Variants in FBXL3 observed in about 807,000 individuals in gnomAD.
FBXL3 encodes the protein F-box and leucine rich repeat protein 3.
FBXL3 carries 14 observed loss-of-function variants against 37.9 expected under a neutral mutation model. That is an observed-to-expected ratio of 0.37 (90% CI 0.24 to 0.58). The LOEUF is 0.58. Among genes scored for constraint, FBXL3 ranks in the 20% least tolerant of loss-of-function variants. FBXL3 has a pLI of 0.74. For synonymous variants in FBXL3, 194 were observed against 180.1 expected (o/e 1.08, Z -0.62); for missense variants, 327 against 511.1 (o/e 0.64, Z 3.47).
chr13:77,024,091 G>A (rs780802990), intron 1 of FBXL3, among the ~76,000 whole-genome samples: 5 of 152,208 alleles, frequency 3.3e-5, no homozygotes, highest in Non-Finnish European at 7.3e-5. Context: ...TCTGATGGAA[G>A]ACTGGAAATT....
At position 77,018,591 on chromosome 13, in the gene FBXL3, A is replaced by G. The variant is rs765191475; in HGVS notation, c.471+9T>C. The G allele has an allele frequency of 2.9e-5, 46 of 1,560,330 alleles. No individual in the cohort carries two copies. Among genetic ancestry groups the G allele is most frequent in the Non-Finnish European group, 3.9e-5 (45 of 1,159,548 alleles). ...CAGTAATAGATAATAAAACAAAAAC[A>G]GCAGATACCTTTGGTAAATCCATAA... On this transcript the variant is annotated intron_variant, in intron 3 of 4. Coordinates refer to ENST00000355619, the MANE Select transcript of FBXL3 (RefSeq NM_012158.4).
At chr13:77,026,375 G>A in intron 1 of FBXL3, 1 of 985,262 alleles carries the variant, frequency 1.0e-6, no homozygotes, top group Non-Finnish European at 1.2e-6. Context: ...CATTTCTCAT[G>A]CGCCCCACCC....
At chr13:77,017,113 A>G (rs758793577) in intron 3 of FBXL3, 16 of 152,056 alleles carry the variant, frequency 1.1e-4, no homozygotes, top group Non-Finnish European at 2.2e-4. Context: ...AAATATTGCA[A>G]CGCCCTACTT....
intron 4 of FBXL3, among the ~76,000 whole-genome samples, chr13:77,012,327 T>C (rs1226689104): frequency 6.6e-6 from 1 of 151,084 alleles, no homozygotes; most frequent in African/African-American, 2.4e-5. Context: ...AAAAAAAATA[T>C]GGCAAAAAGC....
Position 77,007,627 on chromosome 13 carries a change from A to G in FBXL3, c.805T>C (p.Phe269Leu). ...VVSENPGQTH[F>L]HTIQKSSWDA... ...CAGCTACTCTTCTGAATAGTATGGA[A>G]GTGTGTCTGTCCAGGATTCTCACTG... The change falls in exon 5 of 5, where the codon TTC becomes CTC. Residue 269 changes from phenylalanine to leucine, a missense_variant. By Grantham distance (22) the Phe-to-Leu change is conservative. Transcript: ENST00000355619. 1 of 1,614,194 alleles carries G rather than the reference A, an allele frequency of 6.2e-7. No individual in the cohort carries two copies. Among genetic ancestry groups the G allele is most frequent in the Non-Finnish European group, 8.5e-7 (1 of 1,180,026 alleles).
chr13:77,018,931 G>A (rs1277168553), intron 2 of FBXL3: 1 of 400,688 alleles, frequency 2.5e-6, no homozygotes, highest in African/African-American at 2.1e-5. Context: ...CTCCAACTTG[G>A]CCTTTTCTAA....
chr13:77,024,220 C>T (rs2034798597), intron 1 of FBXL3, among the ~76,000 whole-genome samples: 1 of 152,082 alleles, frequency 6.6e-6, no homozygotes, highest in Admixed American at 6.5e-5. Flanking sequence ...GCTGAGATAA[C>T]ACTGTTATTA....
At chr13:77,024,187 CTAA>C (rs1475042652) in intron 1 of FBXL3, among the ~76,000 whole-genome samples, 1 of 152,086 alleles carries the variant, frequency 6.6e-6, no homozygotes, top group African/African-American at 2.4e-5. Context: ...TAAGTCTCTT[CTAA>C]TAATAATCCC....
At chr13:77,012,626 T>C (rs1230800470) in intron 4 of FBXL3, among the ~76,000 whole-genome samples, 1 of 152,176 alleles carries the variant, frequency 6.6e-6, no homozygotes, top group East Asian at 1.9e-4. Context: ...GAAAATTGAT[T>C]AAATGTTCAG....
At position 77,007,618 on chromosome 13, in the gene FBXL3, T is replaced by G. The variant is rs1048504343; in HGVS notation, c.814A>C (p.Ile272Leu). 6.2e-7 allele frequency: 1 copy of G among 1,614,220 alleles called. No individual in the cohort carries two copies. The highest frequency in any genetic ancestry group is 1.3e-5 in the African/African-American group (1 of 75,052). Residue 272 changes from isoleucine (I) to leucine (L), a missense_variant, in exon 5 of 5, where the codon ATT (isoleucine) becomes CTT (leucine). Physicochemically the swap from Ile to Leu is conservative, Grantham distance 5. Transcript: ENST00000355619. Reference sequence around the variant, plus strand: ...AAAGCATCCCAGCTACTCTTCTGAATAGTATGGAAGTGTGTCTGTCCAGGA... The same window carrying G: ...AAAGCATCCCAGCTACTCTTCTGAAGAGTATGGAAGTGTGTCTGTCCAGGA... ...ENPGQTHFHT[I>L]QKSSWDAFIR...
intron 1 of FBXL3, 93 bp downstream of exon 1, chr13:77,026,734 C>A (rs2034848680): frequency 7.7e-6 from 1 of 129,146 alleles, no homozygotes; most frequent in African/African-American, 2.8e-5. Context: ...CCCCCCCCCA[C>A]CCCACCCCAC....
At chr13:77,013,393 G>T (rs2034588462) in intron 4 of FBXL3, 1 of 152,104 alleles carries the variant, frequency 6.6e-6, no homozygotes, top group South Asian at 2.1e-4. Flanking sequence ...TACAATGTGG[G>T]GGTCATGAAG....
intron 4 of FBXL3, among the ~76,000 whole-genome samples, chr13:77,012,592 T>G (rs1174422946): frequency 6.6e-6 from 1 of 152,074 alleles, no homozygotes. Flanking sequence ...TTACAGACAA[T>G]TATAACAACT....
Position 77,021,853 on chromosome 13 carries a change from C to T in FBXL3, c.8G>A (p.Arg3Gln), listed in dbSNP as rs758124709. MK[R>Q]GGRDSDRNSS... ...ATTACGGTCACTATCTCTTCCTCCT[C>T]GTTTCATCCTATTCCGAAAAATGCA... Residue 3 changes from arginine (R) to glutamine (Q), a missense_variant, in exon 2 of 5, where the codon CGA becomes CAA. Coordinates refer to ENST00000355619, the MANE Select transcript of FBXL3 (RefSeq NM_012158.4). 1 of 1,599,224 alleles carries T rather than the reference C, an allele frequency of 6.3e-7. No individual in the cohort carries two copies. The highest frequency in any genetic ancestry group is 1.1e-5 in the South Asian group (1 of 89,744).
intron 2 of FBXL3, among the ~76,000 whole-genome samples, chr13:77,020,350 C>A (rs947439688): frequency 2.0e-5 from 3 of 152,214 alleles, no homozygotes; most frequent in Non-Finnish European, 1.5e-5. Context: ...GCCTAAGCGC[C>A]TTTGTGCAGT....
intron 1 of FBXL3, among the ~76,000 whole-genome samples, chr13:77,025,849 T>C (rs1566234158): frequency 6.6e-6 from 1 of 152,210 alleles, no homozygotes; most frequent in Non-Finnish European, 1.5e-5. Context: ...AAAGCCTATT[T>C]TGGCATCACA....
At position 77,021,832 on chromosome 13, in the gene FBXL3, C is replaced by T. The variant is rs754093926; in HGVS notation, c.29G>A (p.Arg10His). The T allele has an allele frequency of 6.2e-6, 10 of 1,612,008 alleles. No homozygotes were observed. The highest frequency in any genetic ancestry group is 3.3e-5 in the Admixed American group (2 of 59,872). ...TGCAGTTCCTTCTTCTGATGAATTA[C>T]GGTCACTATCTCTTCCTCCTCGTTT... MKRGGRDSD[R>H]NSSEEGTAEK... Residue 10 changes from arginine to histidine, a missense_variant, in exon 2 of 5, where the codon CGT becomes CAT. Arg to His is a conservative substitution (Grantham distance 29, BLOSUM62 0). Coordinates refer to ENST00000355619, the MANE Select transcript of FBXL3 (RefSeq NM_012158.4).
At chr13:77,023,042 G>A (rs2034773523) in intron 1 of FBXL3, among the ~76,000 whole-genome samples, 2 of 152,230 alleles carry the variant, frequency 1.3e-5, no homozygotes, top group South Asian at 4.1e-4. Flanking sequence ...TGACTGTTGT[G>A]TAGGAAAGCA....
intron 1 of FBXL3, 141 bp from the exon 2 acceptor site, chr13:77,022,002 A>G (rs2034753389): frequency 1.5e-6 from 1 of 681,304 alleles, no homozygotes; most frequent in South Asian, 1.9e-5. Context: ...CAAGAATACC[A>G]AAACAAACTA....
Sources: allele counts gnomAD v4.1 joint callset (sites outside exome capture counted in the v4.1 genomes callset), GRCh38; gene constraint gnomAD v4.1.1; transcripts MANE v1.5; gene names NCBI Gene and HGNC (gene_info 2026-07-23, HGNC 2026-07-21).